The following SLX4IP variants were observed in gnomAD, a reference collection of about 807,000 sequenced individuals.
SLX4IP encodes protein SLX4IP.
A neutral mutation model predicts 32.9 loss-of-function variants in SLX4IP; 34 were observed. The ratio of observed to expected loss-of-function variants is 1.03; its 90% confidence interval spans 0.79 to 1.38. The LOEUF is 1.38. Among genes scored for constraint, SLX4IP ranks in the 40% most tolerant of loss-of-function variants. The pLI, the probability that SLX4IP is intolerant of heterozygous loss-of-function variation, is 0.00. For synonymous variants in SLX4IP, 172 were observed against 171.7 expected (o/e 1.00, Z -0.01); for missense variants, 444 against 479.0 (o/e 0.93, Z 0.68).
intron 2 of SLX4IP, among the ~76,000 whole-genome samples, chr20:10,526,813 T>G (rs648696): frequency 0.57 from 87,249 of 151,888 alleles, 25,652 homozygotes; most frequent in South Asian, 0.72. Flanking sequence ...TTAGCTGGGT[T>G]TTGTGGCATG....
chr20:10,445,871 CCTA>C (rs912930137), intron 1 of SLX4IP, among the ~76,000 whole-genome samples: 10 of 151,182 alleles, frequency 6.6e-5, no homozygotes, highest in Non-Finnish European at 1.5e-4. Context: ...GGTGATCTGC[CCTA>C]CTTGGCCTCT....
intron 4 of SLX4IP, among the ~76,000 whole-genome samples, chr20:10,580,499 C>CTTT (rs71186104): frequency 0.034 from 4,561 of 134,798 alleles, 107 homozygotes; most frequent in Non-Finnish European, 0.048. Context: ...TAGACTTACC[C>CTTT]TTTTTTTTTT....
intron 4 of SLX4IP, among the ~76,000 whole-genome samples, chr20:10,579,810 T>C (rs16991816): frequency 0.074 from 11,231 of 152,302 alleles, 633 homozygotes; most frequent in South Asian, 0.24. Context: ...TGAAATTGTC[T>C]TCTCATTCTT....
chr20:10,530,546 T>G (rs1488927738), intron 2 of SLX4IP, among the ~76,000 whole-genome samples: 1 of 152,228 alleles, frequency 6.6e-6, no homozygotes, highest in Non-Finnish European at 1.5e-5. Context: ...CGTGCTCACT[T>G]GGTGAGAAGC....
chr20:10,456,573 C>T (rs563176140), intron 1 of SLX4IP, among the ~76,000 whole-genome samples: 20 of 152,222 alleles, frequency 1.3e-4, no homozygotes, highest in African/African-American at 4.6e-4. Flanking sequence ...AACTCCTGAC[C>T]TCGTGATCTA....
chr20:10,539,135 A>G (rs1474450358), intron 2 of SLX4IP, among the ~76,000 whole-genome samples: 1 of 152,242 alleles, frequency 6.6e-6, no homozygotes, highest in Admixed American at 6.5e-5. Flanking sequence ...CACTTGTCAC[A>G]TTAAGGCAGA....
intron 2 of SLX4IP, among the ~76,000 whole-genome samples, chr20:10,515,785 A>G (rs556505115): frequency 6.6e-6 from 1 of 152,308 alleles, no homozygotes; most frequent in African/African-American, 2.4e-5. Flanking sequence ...GTATCAGATG[A>G]TTATTTCTTT....
rs560785972 is a variant in SLX4IP, at chr20:10,467,855, A to T, written c.27+9624A>T. 4.7e-3 allele frequency among the ~76,000 whole-genome samples: 711 copies of T among 150,774 alleles called. 14 individuals carry two copies. In the South Asian group the frequency reaches 0.069, roughly 15 times the overall value. On this transcript the variant is annotated intron_variant, in intron 2 of 7. Coordinates refer to ENST00000334534, the MANE Select transcript of SLX4IP (RefSeq NM_001009608.3). Reference sequence around the variant, plus strand: ...AACAAAGTTCTTGGACTTGAAATTAATTTTTTTTTTCTAAGAGTTCTCTCT... The same window carrying T: ...AACAAAGTTCTTGGACTTGAAATTATTTTTTTTTTTCTAAGAGTTCTCTCT...
At chr20:10,445,933 CTTT>C (rs749557514) in intron 1 of SLX4IP, among the ~76,000 whole-genome samples, 19 of 60,688 alleles carry the variant, frequency 3.1e-4, no homozygotes, top group African/African-American at 6.9e-4. Flanking sequence ...GCTGAGATTG[CTTT>C]TTTTTTTTTT....
intron 4 of SLX4IP, among the ~76,000 whole-genome samples, chr20:10,570,208 C>T (rs983020959): frequency 5.3e-5 from 8 of 152,198 alleles, no homozygotes; most frequent in African/African-American, 1.9e-4. Context: ...CACCCAGTTA[C>T]CAACTGCCCC....
At chr20:10,458,078 T>C (rs1421350185) in intron 1 of SLX4IP, 98 bp from the exon 2 acceptor site, 1 of 661,410 alleles carries the variant, frequency 1.5e-6, no homozygotes, top group Non-Finnish European at 2.4e-6. Flanking sequence ...CATAAATACC[T>C]ATTGATATTT....
In SLX4IP at chr20:10,562,080, G is replaced by C. The variant is rs2066338561; in HGVS notation, c.238+1260G>C. On this transcript the variant is annotated intron_variant, in intron 4 of 7. Transcript: ENST00000334534. Reference sequence around the variant, plus strand: ...CAGCGTCTAGGGTTGAGTGTTTACAGATCCTCAAGCCCCAGTGGGCGTGTG... The same window carrying C: ...CAGCGTCTAGGGTTGAGTGTTTACACATCCTCAAGCCCCAGTGGGCGTGTG... 2.0e-5 allele frequency among the ~76,000 whole-genome samples: 3 copies of C among 152,296 alleles called. No homozygotes were observed. The South Asian group carries it at 6.2e-4, about 32-fold the overall frequency.
intron 2 of SLX4IP, among the ~76,000 whole-genome samples, chr20:10,553,169 A>G (rs2066234768): frequency 2.0e-5 from 3 of 152,188 alleles, no homozygotes. Flanking sequence ...AAATATGAAT[A>G]ATATTAGCAG....
intron 5 of SLX4IP, 41 bp downstream of exon 5, chr20:10,598,793 A>G (rs2066805794): frequency 6.3e-7 from 1 of 1,582,068 alleles, no homozygotes; most frequent in Non-Finnish European, 8.7e-7. Flanking sequence ...ATTTCACACA[A>G]TCTGCTTGCC....
intron 3 of SLX4IP, among the ~76,000 whole-genome samples, chr20:10,557,280 C>A (rs1317219752): frequency 3.9e-5 from 6 of 151,998 alleles, no homozygotes; most frequent in Non-Finnish European, 1.5e-5. Context: ...CCCCACCCCC[C>A]AAAAAAGATT....
chr20:10,489,170 G>A lies in SLX4IP; in HGVS notation c.27+30939G>A, dbSNP rs558852723. ...CCTGGAATCGTGAAGTGTAGTTCAT[G>A]CCAAACGTTCACATAAGTCGAGGAG... On this transcript the variant is annotated intron_variant, in intron 2 of 7. Transcript: ENST00000334534. Among the ~76,000 whole-genome samples the A allele has an allele frequency of 2.0e-5, 3 of 152,308 alleles. No individual in the cohort carries two copies. In the South Asian group the frequency reaches 6.2e-4, roughly 32 times the overall value.
intron 4 of SLX4IP, among the ~76,000 whole-genome samples, chr20:10,576,937 G>C (rs183110602): frequency 7.7e-4 from 117 of 152,040 alleles, no homozygotes; most frequent in African/African-American, 2.6e-3. Context: ...TCCTATTTGC[G>C]GTGTTTTTTT....
In SLX4IP at chr20:10,590,454, G is replaced by A. The variant is rs529695085; in HGVS notation, c.239-8221G>A. Among the ~76,000 whole-genome samples, 8 of 151,970 alleles carry A rather than the reference G, an allele frequency of 5.3e-5. No individual in the cohort carries two copies. The South Asian group carries it at 6.2e-4, about 12-fold the overall frequency. ...CGGCTCACTGCAACCTCTGCCTCCC[G>A]GGTTCTAGCAATTCTCCTGCCTCAG... On this transcript the variant is annotated intron_variant, in intron 4 of 7. Transcript: ENST00000334534.
chr20:10,451,597 G>A (rs1363654491), intron 1 of SLX4IP, among the ~76,000 whole-genome samples: 1 of 152,072 alleles, frequency 6.6e-6, no homozygotes, highest in Non-Finnish European at 1.5e-5. Flanking sequence ...TCAAAGTCTT[G>A]GTTAAAACAA....
Sources: gnomAD v4.1 joint callset for allele counts (sites outside exome capture counted in the v4.1 genomes callset) on GRCh38, gnomAD v4.1.1 for gene constraint, MANE v1.5 for transcripts, NCBI Gene and HGNC (gene_info 2026-07-23, HGNC 2026-07-21) for gene names.